ZBTB38: variants seen among roughly 807,000 people sequenced by gnomAD.
ZBTB38 encodes the protein zinc finger and BTB domain containing 38.
Under a neutral mutation model 76.8 loss-of-function variants are expected in ZBTB38, and 20 were observed. The observed-to-expected ratio is 0.26, with a 90% confidence interval of 0.18 to 0.38. ZBTB38 has a LOEUF of 0.38. Among genes scored for constraint, ZBTB38 ranks in the 10% least tolerant of loss-of-function variants. The pLI is 1.00. For missense variants in ZBTB38, 1,082 were observed against 1,482.3 expected, an observed-to-expected ratio of 0.73 and a Z score of 4.43; for synonymous variants, 504 against 544.2, an observed-to-expected ratio of 0.93 and a Z score of 1.03.
At chr3:141,365,507 T>C (rs1375248279), upstream of ZBTB38, among the ~76,000 whole-genome samples, 1 of 152,110 alleles carries the variant, frequency 6.6e-6, no homozygotes, top group Non-Finnish European at 1.5e-5. Flanking sequence ...AACCCATTAA[T>C]CCATTAACCA....
At chr3:141,342,453 T>G (rs925093292) in intron 1 of ZBTB38, among the ~76,000 whole-genome samples, 3 of 150,912 alleles carry the variant, frequency 2.0e-5, no homozygotes, top group African/African-American at 7.3e-5. Flanking sequence ...ATACGTTTAT[T>G]AATTATACTA....
intron 5 of ZBTB38, among the ~76,000 whole-genome samples, chr3:141,408,035 C>G (rs967165072): frequency 6.6e-6 from 1 of 152,142 alleles, no homozygotes; most frequent in African/African-American, 2.4e-5. Context: ...GACACCCTGT[C>G]CCCATGGCCA....
intron 5 of ZBTB38, chr3:141,426,186 G>T (rs889746931): frequency 7.8e-7 from 1 of 1,289,378 alleles, no homozygotes. Context: ...CCTTCATAGT[G>T]TAGTCAGAAG....
intron 1 of ZBTB38, among the ~76,000 whole-genome samples, chr3:141,349,831 C>G (rs1167143210): frequency 4.6e-5 from 7 of 151,406 alleles, no homozygotes; most frequent in Admixed American, 4.6e-4. Context: ...AGAAAGAAAC[C>G]CCCAGTTGGC....
intron 1 of ZBTB38, among the ~76,000 whole-genome samples, chr3:141,349,599 G>A (rs151159391): frequency 9.0e-4 from 137 of 152,252 alleles, no homozygotes; most frequent in African/African-American, 3.2e-3. Context: ...GTGTAGTGGT[G>A]CAGATCTGTA....
At chr3:141,364,036 G>T (rs1311120757), upstream of ZBTB38, among the ~76,000 whole-genome samples, 2 of 152,086 alleles carry the variant, frequency 1.3e-5, no homozygotes, top group Non-Finnish European at 2.9e-5. Context: ...GAAAAGAAAT[G>T]ACAACCATAG....
Position 141,442,053 on chromosome 3 carries a change from G to A in ZBTB38, c.1-336G>A, listed in dbSNP as rs1237317017. Among the ~76,000 whole-genome samples the A allele has an allele frequency of 6.7e-6, 1 of 150,260 alleles. No individual in the cohort carries two copies. Among genetic ancestry groups the A allele is most frequent in the Non-Finnish European group, 1.5e-5 (1 of 67,786 alleles). On this transcript the variant is annotated intron_variant, in intron 5 of 5. Coordinates refer to ENST00000321464, the MANE Select transcript of ZBTB38 (RefSeq NM_001376113.1). The surrounding 1 kb of genome is among the most constrained non-coding windows in gnomAD (Gnocchi z 6.4). Reference sequence around the variant, plus strand: ...GTTCAAAGCAGCAGCCTTGAATGATGATGAGACCCTTAACATTTCAGAAAA... The same window carrying A: ...GTTCAAAGCAGCAGCCTTGAATGATAATGAGACCCTTAACATTTCAGAAAA...
intron 4 of ZBTB38, among the ~76,000 whole-genome samples, chr3:141,396,999 A>T (rs1318954780): frequency 6.6e-6 from 1 of 152,242 alleles, no homozygotes; most frequent in Non-Finnish European, 1.5e-5. Context: ...TAAAGTCACC[A>T]GCTTCATAAG....
chr3:141,433,006 G>A (rs547773196), intron 5 of ZBTB38, among the ~76,000 whole-genome samples: 49 of 152,236 alleles, frequency 3.2e-4, no homozygotes, highest in Admixed American at 9.2e-4. Flanking sequence ...AGTGTGGACC[G>A]GACTGTTGGT....
At chr3:141,363,807 C>T (rs1943883567), upstream of ZBTB38, among the ~76,000 whole-genome samples, 1 of 152,134 alleles carries the variant, frequency 6.6e-6, no homozygotes, top group Non-Finnish European at 1.5e-5. Context: ...CCCTACCTCA[C>T]ACCATAGGCA....
At chr3:141,431,416 T>A (rs2077581587) in intron 5 of ZBTB38, among the ~76,000 whole-genome samples, 1 of 148,980 alleles carries the variant, frequency 6.7e-6, no homozygotes, top group South Asian at 2.1e-4. Context: ...GACACGGCAC[T>A]CAAAAGGCTT....
intron 5 of ZBTB38, among the ~76,000 whole-genome samples, chr3:141,404,720 A>G (rs1196418999): frequency 1.3e-5 from 2 of 152,206 alleles, no homozygotes; most frequent in Non-Finnish European, 2.9e-5. Context: ...GTGAGGAAGA[A>G]TAGGCGTAAA....
intron 1 of ZBTB38, among the ~76,000 whole-genome samples, chr3:141,345,322 C>T (rs1479581465): frequency 6.6e-6 from 1 of 151,450 alleles, no homozygotes; most frequent in Non-Finnish European, 1.5e-5. Flanking sequence ...TCCTGTGACA[C>T]AGATATGGAG....
intron 5 of ZBTB38, among the ~76,000 whole-genome samples, chr3:141,437,083 A>T (rs1053219237): frequency 2.6e-5 from 4 of 152,166 alleles, no homozygotes; most frequent in African/African-American, 7.2e-5. Flanking sequence ...GGGAGCGGGC[A>T]CTGTTAAGAT....
intron 4 of ZBTB38, among the ~76,000 whole-genome samples, chr3:141,398,762 A>G (rs1300708913): frequency 1.3e-5 from 2 of 152,214 alleles, no homozygotes; most frequent in African/African-American, 4.8e-5. Flanking sequence ...TTACTAAAAA[A>G]GAAAAATAAC....
chr3:141,414,094 GA>G (rs1414841009), intron 5 of ZBTB38, among the ~76,000 whole-genome samples: 1 of 152,208 alleles, frequency 6.6e-6, no homozygotes, highest in African/African-American at 2.4e-5. Context: ...ACCTACATGT[GA>G]TTTATACTTA....
At chr3:141,432,030 C>T (rs2077724826) in intron 5 of ZBTB38, 5 of 928,356 alleles carry the variant, frequency 5.4e-6, no homozygotes, top group Admixed American at 6.2e-5. Context: ...CACCCCGTCA[C>T]GTGAGGAGGT....
intron 5 of ZBTB38, among the ~76,000 whole-genome samples, chr3:141,407,623 A>G (rs147349254): frequency 1.3e-5 from 2 of 152,238 alleles, no homozygotes; most frequent in Non-Finnish European, 2.9e-5. Context: ...GTGATCATCA[A>G]TTTAGTATGG....
In ZBTB38 at chr3:141,340,942, G is replaced by GAAAAGAAAAGAAAAGA. The variant is rs1195708609; in HGVS notation, c.-739+16489_-739+16490insAGAAAAGAAAAGAAAA. 2.8e-3 allele frequency among the ~76,000 whole-genome samples: 281 copies of GAAAAGAAAAGAAAAGA among 101,206 alleles called. 5 individuals are homozygous for GAAAAGAAAAGAAAAGA. Among genetic ancestry groups the GAAAAGAAAAGAAAAGA allele is most frequent in the Non-Finnish European group, 4.4e-3 (223 of 50,482 alleles). The allele number at this position is 101,206 out of a possible 152,430, so 66.4% of individuals were successfully genotyped here. A position where few individuals can be genotyped will look rare whatever the true frequency, so the allele number is the denominator to read the frequency against. Reference sequence around the variant, plus strand: ...AAGGAAAGGAAAAAAGAAAAGAAAAGAAAGAAGGAAAGAAAGAAAGAAAGA... The same window carrying GAAAAGAAAAGAAAAGA: ...AAGGAAAGGAAAAAAGAAAAGAAAAGAAAAGAAAAGAAAAGAAAAGAAGGAAAGAAAGAAAGAAAGA... On this transcript the variant is annotated intron_variant, in intron 1 of 7. Coordinates refer to the ZBTB38 transcript ENST00000509842.
Sources: allele counts gnomAD v4.1 joint callset (sites outside exome capture counted in the v4.1 genomes callset), GRCh38; gene constraint gnomAD v4.1.1; non-coding constraint Gnocchi (gnomAD v3.1); transcripts MANE v1.5; gene names NCBI Gene and HGNC (gene_info 2026-07-23, HGNC 2026-07-21).